The following PPP2R2B variants were observed in gnomAD, a reference collection of about 807,000 sequenced individuals.
PPP2R2B encodes the protein serine/threonine-protein phosphatase 2A 55 kDa regulatory subunit B beta isoform.
A neutral mutation model predicts 46.0 loss-of-function variants in PPP2R2B; 5 were observed. The observed-to-expected ratio is 0.11, with a 90% CI of 0.06 to 0.23. PPP2R2B has a LOEUF of 0.23. Ranked by LOEUF, PPP2R2B falls within the 10% of genes least tolerant of loss-of-function variation. PPP2R2B has a pLI of 1.00. For synonymous variants in PPP2R2B, 215 were observed against 206.7 expected (o/e 1.04, Z -0.34); for missense variants, 367 against 575.0 (o/e 0.64, Z 3.70).
At chr5:146,722,359 T>C (rs902938031) in intron 2 of PPP2R2B, among the ~76,000 whole-genome samples, 1 of 152,194 alleles carries the variant, frequency 6.6e-6, no homozygotes, top group African/African-American at 2.4e-5. Flanking sequence ...ACTTAGGCTA[T>C]GGCTTAACTC....
At chr5:146,719,229 CA>C (rs1480426381) in intron 2 of PPP2R2B, among the ~76,000 whole-genome samples, 2 of 152,136 alleles carry the variant, frequency 1.3e-5, no homozygotes, top group Non-Finnish European at 2.9e-5. Context: ...ATTTAATCTG[CA>C]AAATGGAGAT....
chr5:146,936,456 T>C (rs1436649801), intron 1 of PPP2R2B, among the ~76,000 whole-genome samples: 27 of 145,996 alleles, frequency 1.8e-4, no homozygotes, highest in African/African-American at 6.6e-4. Flanking sequence ...TTAAGACTCC[T>C]TGTAAGCAGG....
chr5:146,775,655 C>T (rs1755136853), intron 2 of PPP2R2B, among the ~76,000 whole-genome samples: 1 of 152,028 alleles, frequency 6.6e-6, no homozygotes, highest in African/African-American at 2.4e-5. Context: ...AAATAAAAGG[C>T]ACCTAAATTA....
intron 1 of PPP2R2B, among the ~76,000 whole-genome samples, chr5:146,988,841 C>A (rs1023659602): frequency 1.2e-4 from 18 of 151,644 alleles, no homozygotes; most frequent in African/African-American, 4.1e-4. Flanking sequence ...TTTGAAAAGA[C>A]AGACAAAACG....
chr5:146,978,429 C>T (rs953577834), intron 1 of PPP2R2B, among the ~76,000 whole-genome samples: 1 of 152,128 alleles, frequency 6.6e-6, no homozygotes, highest in African/African-American at 2.4e-5. Context: ...GTGTTTTAGT[C>T]ATGAAGTCTC....
At chr5:146,964,869 T>C (rs1752333702) in intron 1 of PPP2R2B, among the ~76,000 whole-genome samples, 1 of 152,144 alleles carries the variant, frequency 6.6e-6, no homozygotes, top group South Asian at 2.1e-4. Context: ...GGTCCTCTTT[T>C]GGGAATCTGG....
intron 9 of PPP2R2B, 65 bp from the exon 10 acceptor site, chr5:146,590,291 A>G: frequency 6.7e-7 from 1 of 1,495,412 alleles, no homozygotes; most frequent in Non-Finnish European, 9.0e-7. Flanking sequence ...AGCAAATGAT[A>G]CCATGTTATG....
chr5:146,756,273 A>G (rs1409643993), intron 2 of PPP2R2B, among the ~76,000 whole-genome samples: 1 of 152,204 alleles, frequency 6.6e-6, no homozygotes, highest in African/African-American at 2.4e-5. Context: ...GCCTCATTTA[A>G]TGGGCAGAGG....
chr5:146,706,451 C>T, intron 2 of PPP2R2B: 1 of 1,084,068 alleles, frequency 9.2e-7, no homozygotes, highest in South Asian at 1.2e-5. Flanking sequence ...CCAGCAGCTT[C>T]CTGTAGGTGG....
intron 2 of PPP2R2B, among the ~76,000 whole-genome samples, chr5:146,768,063 G>A (rs1053201656): frequency 5.3e-5 from 8 of 151,678 alleles, no homozygotes; most frequent in Non-Finnish European, 1.2e-4. Context: ...AACTCTAGCA[G>A]TTAACAATTG....
intron 1 of PPP2R2B, among the ~76,000 whole-genome samples, chr5:146,967,556 A>G (rs1582515268): frequency 6.6e-6 from 1 of 152,146 alleles, no homozygotes; most frequent in East Asian, 1.9e-4. Flanking sequence ...GTTTCCTTCC[A>G]GGATACACTC....
At chr5:146,812,212 G>C (rs535733530) in intron 2 of PPP2R2B, among the ~76,000 whole-genome samples, 6 of 151,912 alleles carry the variant, frequency 3.9e-5, no homozygotes, top group African/African-American at 1.4e-4. Flanking sequence ...ACCTCATGGG[G>C]TGAGAATAAA....
intron 1 of PPP2R2B, among the ~76,000 whole-genome samples, chr5:146,933,716 T>C (rs942793912): frequency 6.6e-6 from 1 of 151,702 alleles, no homozygotes; most frequent in African/African-American, 2.4e-5. Context: ...AGTTTTAGGG[T>C]ACATGTGCAC....
intron 1 of PPP2R2B, among the ~76,000 whole-genome samples, chr5:147,027,792 T>C (rs1207911773): frequency 2.0e-5 from 3 of 152,200 alleles, no homozygotes; most frequent in Non-Finnish European, 4.4e-5. Context: ...TTATACTCTT[T>C]AAAATGGGTG....
At chr5:146,794,692 C>T (rs1756412863) in intron 2 of PPP2R2B, among the ~76,000 whole-genome samples, 1 of 152,156 alleles carries the variant, frequency 6.6e-6, no homozygotes, top group Non-Finnish European at 1.5e-5. Context: ...CAAATGATTT[C>T]CTTCAATACC....
At chr5:146,764,442 C>T (rs1754348793) in intron 2 of PPP2R2B, among the ~76,000 whole-genome samples, 1 of 152,174 alleles carries the variant, frequency 6.6e-6, no homozygotes, top group African/African-American at 2.4e-5. Flanking sequence ...ATACACAAGT[C>T]TATTGCCTCT....
intron 6 of PPP2R2B, among the ~76,000 whole-genome samples, chr5:146,639,298 G>A (rs80054962): frequency 0.034 from 5,176 of 152,180 alleles, 118 homozygotes; most frequent in Admixed American, 0.066. Flanking sequence ...TTAGGGTCCC[G>A]TGGAAAATAT....
intron 1 of PPP2R2B, among the ~76,000 whole-genome samples, chr5:146,968,228 C>A (rs1162515663): frequency 6.6e-6 from 1 of 152,114 alleles, no homozygotes; most frequent in African/African-American, 2.4e-5. Flanking sequence ...CTTTTTTGAA[C>A]CTTTCCTCCA....
intron 2 of PPP2R2B, among the ~76,000 whole-genome samples, chr5:146,740,457 G>T (rs188948925): frequency 2.0e-5 from 3 of 152,160 alleles, no homozygotes; most frequent in African/African-American, 7.2e-5. Context: ...GGCTCTTGGA[G>T]TCAGAGAACT....
Sources: gnomAD v4.1 joint callset for allele counts (sites outside exome capture counted in the v4.1 genomes callset) on GRCh38, gnomAD v4.1.1 for gene constraint, MANE v1.5 for transcripts, NCBI Gene and HGNC (gene_info 2026-07-23, HGNC 2026-07-21) for gene names.